The following TDRD10 variants were observed in gnomAD, a reference collection of about 807,000 sequenced individuals.
The protein encoded by TDRD10 is tudor domain-containing protein 10.
A neutral mutation model predicts 48.0 loss-of-function variants in TDRD10; 40 were observed. The observed-to-expected ratio is 0.83, with a 90% confidence interval of 0.65 to 1.09. TDRD10 has a LOEUF of 1.09. TDRD10 is among the 50% of genes least tolerant of loss of function. The pLI, the probability that TDRD10 is intolerant of heterozygous loss-of-function variation, is 0.00. For synonymous variants in TDRD10, 162 were observed against 170.4 expected (o/e 0.95, Z 0.38); for missense variants, 378 against 434.7 (o/e 0.87, Z 1.16).
chr1:154,509,062 A>T (rs913919856), intron 4 of TDRD10, among the ~76,000 whole-genome samples: 1 of 150,620 alleles, frequency 6.6e-6, no homozygotes, highest in Admixed American at 6.6e-5. Context: ...AGGAGAATGA[A>T]AGTGTGATCT....
chr1:154,508,022 G>T (rs533950578), intron 3 of TDRD10, among the ~76,000 whole-genome samples: 1 of 152,280 alleles, frequency 6.6e-6, no homozygotes, highest in South Asian at 2.1e-4. Flanking sequence ...TGGATTCCTG[G>T]TGTGCCCATG....
rs540550585 is a variant in TDRD10, at chr1:154,519,788, G to A, written c.142-516G>A. On this transcript the variant is annotated intron_variant, in intron 4 of 12. Transcript: ENST00000368482. The stretch of plus-strand genomic sequence containing the variant: ...TCTGTGGAGACACCAACCCAAGCCC[G>A]CGGAGCAGGATGGGGAGGAGGGGAT... Among the ~76,000 whole-genome samples the A allele has an allele frequency of 1.5e-3, 234 of 152,264 alleles. 1 individual carries two copies. Among genetic ancestry groups the A allele is most frequent in the African/African-American group, 4.8e-3 (201 of 41,544 alleles).
At chr1:154,505,376 TCC>T (rs1693089247) in intron 1 of TDRD10, among the ~76,000 whole-genome samples, 1 of 152,196 alleles carries the variant, frequency 6.6e-6, no homozygotes, top group Non-Finnish European at 1.5e-5. Context: ...CATAGGCTTT[TCC>T]AGAGATTACC....
intron 8 of TDRD10, 114 bp from the exon 9 acceptor site, chr1:154,543,849 G>A: frequency 6.8e-7 from 1 of 1,478,024 alleles, no homozygotes; most frequent in Non-Finnish European, 9.1e-7. Context: ...TTCTGCTTAG[G>A]GGACTCATCC....
chr1:154,521,264 C>T, intron 5 of TDRD10, 59 bp from the exon 6 acceptor site: 3 of 1,576,722 alleles, frequency 1.9e-6, no homozygotes, highest in Non-Finnish European at 1.7e-6. Context: ...TGCCTCCCTG[C>T]AGCTCTGGGC....
chr1:154,543,265 A>G (rs931608540), intron 8 of TDRD10, among the ~76,000 whole-genome samples: 1 of 151,848 alleles, frequency 6.6e-6, no homozygotes, highest in African/African-American at 2.4e-5. Context: ...ACAGAGTGAG[A>G]CTCCATCTCA....
chr1:154,517,420 CTTT>C (rs991043116), intron 4 of TDRD10, among the ~76,000 whole-genome samples: 4 of 138,468 alleles, frequency 2.9e-5, no homozygotes, highest in Admixed American at 7.3e-5. Flanking sequence ...GATATTAGAC[CTTT>C]TTTTTTTTTT....
At chr1:154,507,723 A>G (rs1693226468) in intron 3 of TDRD10, among the ~76,000 whole-genome samples, 1 of 152,132 alleles carries the variant, frequency 6.6e-6, no homozygotes, top group African/African-American at 2.4e-5. Context: ...TCATTATTTC[A>G]TAGTTTGGCC....
chr1:154,515,501 G>A (rs934006654), intron 4 of TDRD10, among the ~76,000 whole-genome samples: 1 of 152,136 alleles, frequency 6.6e-6, no homozygotes, highest in Non-Finnish European at 1.5e-5. Flanking sequence ...CTTCTTCCTT[G>A]TTTGCTCCAC....
chr1:154,517,761 T>A (rs981439772), intron 4 of TDRD10, among the ~76,000 whole-genome samples: 6 of 152,130 alleles, frequency 3.9e-5, no homozygotes, highest in African/African-American at 1.4e-4. Context: ...CAATTTCACA[T>A]GGCTCACACT....
rs557811757 is a variant in TDRD10, at chr1:154,524,929, C to T, written c.369+3450C>T. 4.6e-5 allele frequency among the ~76,000 whole-genome samples: 7 copies of T among 152,338 alleles called. No homozygotes were observed. In the South Asian group the frequency reaches 1.4e-3, roughly 32 times the overall value. Reference sequence around the variant, plus strand: ...GCAGACACCTAGATTCCTTGGACTTCTGTGTGGCTCCTTCCTCTCTGGTCC... The same window carrying T: ...GCAGACACCTAGATTCCTTGGACTTTTGTGTGGCTCCTTCCTCTCTGGTCC... On this transcript the variant is annotated intron_variant, in intron 6 of 12. Transcript: ENST00000368482.
At chr1:154,530,370 A>C (rs1485154101) in intron 6 of TDRD10, among the ~76,000 whole-genome samples, 3 of 142,968 alleles carry the variant, frequency 2.1e-5, no homozygotes, top group Non-Finnish European at 4.6e-5. Flanking sequence ...TAATTGTACC[A>C]CTTTCTTCTG....
At position 154,515,854 on chromosome 1, in the gene TDRD10, A is replaced by G. The variant is rs549381819; in HGVS notation, c.142-4450A>G. On this transcript the variant is annotated intron_variant, in intron 4 of 12. Coordinates refer to ENST00000368482, the MANE Select transcript of TDRD10 (RefSeq NM_182499.4). ...CTCAGCCTCCTAAGTAGGTGGGATT[A>G]CAGGCACCTGTCACCACACCCAGCT... Among the ~76,000 whole-genome samples the G allele has an allele frequency of 3.3e-5, 5 of 152,270 alleles. 1 individual carries two copies. The highest frequency in any genetic ancestry group is 1.2e-4 in the African/African-American group (5 of 41,550).
At chr1:154,538,839 C>G (rs943841659) in intron 6 of TDRD10, among the ~76,000 whole-genome samples, 1 of 99,336 alleles carries the variant, frequency 1.0e-5, no homozygotes, top group African/African-American at 3.3e-5. Context: ...GGTGACGGAG[C>G]GAGACTCCAT....
chr1:154,535,749 G>T (rs1198805120), intron 6 of TDRD10, among the ~76,000 whole-genome samples: 2 of 152,186 alleles, frequency 1.3e-5, no homozygotes, highest in Non-Finnish European at 2.9e-5. Context: ...CCATGTACCT[G>T]TTCTCAGAAA....
At chr1:154,508,594 G>C in intron 4 of TDRD10, 113 bp downstream of exon 4, 1 of 751,184 alleles carries the variant, frequency 1.3e-6, no homozygotes, top group Non-Finnish European at 2.4e-6. Flanking sequence ...AGCTATGATA[G>C]TGCAGACAGT....
Position 154,536,104 on chromosome 1 carries a change from G to A in TDRD10, c.370-5920G>A, listed in dbSNP as rs149468225. 3.5e-4 allele frequency among the ~76,000 whole-genome samples: 54 copies of A among 152,336 alleles called. No individual in the cohort carries two copies. The East Asian group carries it at 5.4e-3, about 15-fold the overall frequency. On this transcript the variant is annotated intron_variant, in intron 6 of 12. Coordinates refer to ENST00000368482, the MANE Select transcript of TDRD10 (RefSeq NM_182499.4). The stretch of plus-strand genomic sequence containing the variant: ...CCTAAGAAAAGGTTGCAGGCCGGGC[G>A]CAGTGGCTCACGCCTGTAATCCCAG...
In TDRD10 at chr1:154,547,716, C is replaced by T; in HGVS notation, c.*6C>T. On this transcript the variant is annotated 3_prime_UTR_variant, in exon 13 of 13. Transcript: ENST00000368482. ...AGTTTGAAGAGTCTAAATAACGGGG[C>T]TTCCCTCAGCATGTTCCCTCTCCTG... The T allele has an allele frequency of 6.2e-7, 1 of 1,613,240 alleles. No individual in the cohort carries two copies. The highest frequency in any genetic ancestry group is 1.7e-5 in the Admixed American group (1 of 60,024).
At chr1:154,517,369 A>G (rs1451056393) in intron 4 of TDRD10, among the ~76,000 whole-genome samples, 2 of 151,906 alleles carry the variant, frequency 1.3e-5, no homozygotes, top group Non-Finnish European at 2.9e-5. Context: ...TTACCTGCAA[A>G]TAGACATTCC....
Sources: allele counts gnomAD v4.1 joint callset (sites outside exome capture counted in the v4.1 genomes callset), GRCh38; gene constraint gnomAD v4.1.1; transcripts MANE v1.5; gene names NCBI Gene and HGNC (gene_info 2026-07-23, HGNC 2026-07-21).